The following CNOT4 variants were observed in gnomAD, a reference collection of about 807,000 sequenced individuals.
CNOT4 encodes CCR4-NOT transcription complex subunit 4.
CNOT4 carries 8 observed loss-of-function variants against 73.8 expected under a neutral mutation model. The ratio of observed to expected loss-of-function variants is 0.11; its 90% CI spans 0.06 to 0.20. The LOEUF (loss-of-function observed/expected upper bound fraction) is 0.20. CNOT4 is among the 10% of genes least tolerant of loss of function. The pLI, the probability that CNOT4 is intolerant of heterozygous loss-of-function variation, is 1.00. For synonymous variants in CNOT4, 293 were observed against 321.1 expected, an observed-to-expected ratio of 0.91 and a Z score of 0.94; for missense variants, 564 against 883.4, an observed-to-expected ratio of 0.64 and a Z score of 4.58.
chr7:135,508,467 G>A (rs1190707905), intron 1 of CNOT4, among the ~76,000 whole-genome samples: 1 of 152,144 alleles, frequency 6.6e-6, no homozygotes, highest in Non-Finnish European at 1.5e-5. Flanking sequence ...TCTTTTCTAT[G>A]AGAAAAATAC....
chr7:135,414,246 T>C (rs777303720), intron 5 of CNOT4, 85 bp downstream of exon 5: 62 of 612,476 alleles, frequency 1.0e-4, no homozygotes, highest in Non-Finnish European at 1.5e-4. Flanking sequence ...AAATTTAATA[T>C]ATAAATGCTC....
At chr7:135,461,832 A>C (rs1229623191) in intron 1 of CNOT4, among the ~76,000 whole-genome samples, 1 of 152,156 alleles carries the variant, frequency 6.6e-6, no homozygotes, top group African/African-American at 2.4e-5. Context: ...ATCCCGTCCC[A>C]AAAAAATAAA....
chr7:135,395,270 C>T (rs923154941), intron 9 of CNOT4, among the ~76,000 whole-genome samples: 1 of 151,862 alleles, frequency 6.6e-6, no homozygotes, highest in African/African-American at 2.4e-5. Flanking sequence ...ATCACTTGAA[C>T]CCAGGGTGTG....
intron 1 of CNOT4, among the ~76,000 whole-genome samples, chr7:135,454,659 A>T (rs998226025): frequency 4.6e-5 from 7 of 151,948 alleles, no homozygotes; most frequent in African/African-American, 9.7e-5. Flanking sequence ...TAAAATAAAA[A>T]AAGTAAATAA....
At chr7:135,407,857 C>A (rs1030114088) in intron 7 of CNOT4, among the ~76,000 whole-genome samples, 12 of 152,164 alleles carry the variant, frequency 7.9e-5, no homozygotes, top group Admixed American at 7.2e-4. Flanking sequence ...TCTTCCAATA[C>A]TGATTTACAA....
At chr7:135,477,623 T>C (rs1286753308) in intron 1 of CNOT4, among the ~76,000 whole-genome samples, 1 of 152,236 alleles carries the variant, frequency 6.6e-6, no homozygotes, top group Non-Finnish European at 1.5e-5. Context: ...TCCATCTTAA[T>C]AGATGCATCT....
intron 10 of CNOT4, among the ~76,000 whole-genome samples, chr7:135,383,150 TA>T (rs1795938590): frequency 6.6e-6 from 1 of 152,210 alleles, no homozygotes; most frequent in Non-Finnish European, 1.5e-5. Flanking sequence ...ATTTGATATA[TA>T]AATAAAGCAG....
rs146675602 is a variant in CNOT4 at position 135,491,974 on chromosome 7, A to G, written c.-93+17915T>C. Among the ~76,000 whole-genome samples, 297 of 152,338 alleles carry G rather than the reference A, an allele frequency of 1.9e-3. 1 individual carries two copies. Among genetic ancestry groups the G allele is most frequent in the Middle Eastern group, 3.4e-3 (1 of 294 alleles). On this transcript the variant is annotated intron_variant, in intron 1 of 11. Coordinates refer to ENST00000541284, the MANE Select transcript of CNOT4 (RefSeq NM_001190850.2). ...AGAGAGTAAATCTATAGTAACACAA[A>G]GACAGCAGCAAGGTCTATTGAGTAC...
chr7:135,470,545 GTGGGCAACAGAGCTAGACTC>G (rs2129486691), intron 1 of CNOT4, among the ~76,000 whole-genome samples: 1 of 149,788 alleles, frequency 6.7e-6, no homozygotes, highest in East Asian at 2.0e-4. Flanking sequence ...GCACTCCAGA[GTGGGCAACAGAGCTAGACTC>G]TGTCTTAAAA....
chr7:135,409,555 T>C (rs1015874111), intron 7 of CNOT4, among the ~76,000 whole-genome samples: 11 of 152,102 alleles, frequency 7.2e-5, no homozygotes, highest in African/African-American at 2.7e-4. Flanking sequence ...ACTCAAACAA[T>C]AATCCATGTA....
chr7:135,475,409 A>G (rs1801923993), intron 1 of CNOT4, among the ~76,000 whole-genome samples: 2 of 152,198 alleles, frequency 1.3e-5, no homozygotes, highest in East Asian at 1.9e-4. Context: ...TTTAGTGTGC[A>G]ATATTTGACG....
Position 135,482,147 on chromosome 7 carries a change from G to A in CNOT4, c.-93+27742C>T, listed in dbSNP as rs145278874. On this transcript the variant is annotated intron_variant, in intron 1 of 11. Coordinates refer to ENST00000541284, the MANE Select transcript of CNOT4 (RefSeq NM_001190850.2). ...AGGTGATAGATACCTCAAATGCCCT[G>A]ACTTGATCATTACACATTCTATGCA... Among the ~76,000 whole-genome samples the A allele has an allele frequency of 1.2e-4, 18 of 152,234 alleles. No individual in the cohort carries two copies. The East Asian group carries it at 3.5e-3, about 29-fold the overall frequency.
At chr7:135,391,935 CTCATTG>C (rs1262623595) in intron 10 of CNOT4, among the ~76,000 whole-genome samples, 4 of 151,968 alleles carry the variant, frequency 2.6e-5, no homozygotes, top group Non-Finnish European at 5.9e-5. Context: ...GCCATTTTGC[CTCATTG>C]TCAGAGTTTC....
At chr7:135,478,408 T>C (rs1289871396) in intron 1 of CNOT4, among the ~76,000 whole-genome samples, 3 of 152,200 alleles carry the variant, frequency 2.0e-5, no homozygotes, top group Non-Finnish European at 4.4e-5. Context: ...AACCAGGCCA[T>C]GACCCTTAGC....
intron 1 of CNOT4, among the ~76,000 whole-genome samples, chr7:135,464,515 C>T (rs984188990): frequency 6.6e-5 from 10 of 152,008 alleles, no homozygotes; most frequent in African/African-American, 2.4e-4. Context: ...AAGGAAACAA[C>T]AGACATGGCT....
At chr7:135,477,544 A>G (rs1802075602) in intron 1 of CNOT4, among the ~76,000 whole-genome samples, 1 of 152,194 alleles carries the variant, frequency 6.6e-6, no homozygotes, top group Non-Finnish European at 1.5e-5. Context: ...ACCCTCTTTT[A>G]ATTGAAAAGG....
At chr7:135,407,557 C>T (rs1241186918) in intron 7 of CNOT4, among the ~76,000 whole-genome samples, 1 of 152,136 alleles carries the variant, frequency 6.6e-6, no homozygotes, top group Non-Finnish European at 1.5e-5. Flanking sequence ...ACTGTTTTTG[C>T]ACTGTTTAGC....
chr7:135,406,963 T>A (rs941077109), intron 7 of CNOT4, among the ~76,000 whole-genome samples: 3 of 152,208 alleles, frequency 2.0e-5, no homozygotes, highest in Admixed American at 2.0e-4. Context: ...TGAATTATAA[T>A]CCCCAGTGTT....
intron 1 of CNOT4, among the ~76,000 whole-genome samples, chr7:135,460,228 G>A (rs548522312): frequency 6.6e-6 from 1 of 152,306 alleles, no homozygotes; most frequent in South Asian, 2.1e-4. Context: ...TCATTCATGT[G>A]TTCACTGGAG....
Sources: allele counts gnomAD v4.1 joint callset (sites outside exome capture counted in the v4.1 genomes callset), GRCh38; gene constraint gnomAD v4.1.1; transcripts MANE v1.5; gene names NCBI Gene and HGNC (gene_info 2026-07-23, HGNC 2026-07-21).